The following ANKRD26 variants were observed in gnomAD, a reference collection of about 807,000 sequenced individuals.
The protein encoded by ANKRD26 is ankyrin repeat domain 26, also known as ankyrin repeat domain-containing protein 26.
A neutral mutation model predicts 208.7 loss-of-function variants in ANKRD26; 141 were observed. That is an observed-to-expected ratio of 0.68 (90% CI 0.59 to 0.78). The LOEUF (loss-of-function observed/expected upper bound fraction) is 0.78. Ranked by LOEUF, ANKRD26 falls within the 30% of genes least tolerant of loss-of-function variation. ANKRD26 has a pLI of 0.00. For missense variants in ANKRD26, 1,889 were observed against 1,938.7 expected (o/e 0.97, Z 0.48); for synonymous variants, 636 against 660.4 (o/e 0.96, Z 0.57).
intron 6 of ANKRD26, 102 bp downstream of exon 6, chr10:27,082,701 T>A (rs770219748): frequency 7.6e-6 from 11 of 1,454,458 alleles, no homozygotes; most frequent in Admixed American, 2.5e-5. Flanking sequence ...GACGACTATA[T>A]GGAGAAGCAC....
intron 17 of ANKRD26, 101 bp from the exon 18 acceptor site, chr10:27,046,624 T>C (rs2054457984): frequency 6.8e-6 from 8 of 1,175,070 alleles, no homozygotes; most frequent in Middle Eastern, 5.2e-4. Flanking sequence ...AAAAAATCCA[T>C]TAAAAAGCCA....
chr10:26,967,270 C>T, the ANKRD26 span, among the ~76,000 whole-genome samples: 1 of 152,142 alleles, frequency 6.6e-6, no homozygotes, highest in Non-Finnish European at 1.5e-5. Flanking sequence ...ATATTTTTAG[C>T]ATAATCTTAG....
At chr10:27,042,798 C>CAAAAAAAAAAAAAAAAAAAAAA (rs60850386) in intron 20 of ANKRD26, among the ~76,000 whole-genome samples, 6 of 48,938 alleles carry the variant, frequency 1.2e-4, no homozygotes, top group Middle Eastern at 0.017. Context: ...CAAAAAAATA[C>CAAAAAAAAAAAAAAAAAAAAAA]AAAAAAAAAA....
chr10:27,006,877 T>C, intron 33 of ANKRD26, 40 bp downstream of exon 33: 1 of 1,464,212 alleles, frequency 6.8e-7, no homozygotes, highest in East Asian at 2.3e-5. Context: ...AGAAATCAAT[T>C]AATTAATCTA....
intron 12 of ANKRD26, among the ~76,000 whole-genome samples, chr10:27,063,068 T>C (rs1223697582): frequency 1.3e-5 from 2 of 152,144 alleles, no homozygotes; most frequent in African/African-American, 2.4e-5. Flanking sequence ...TGATGTAACA[T>C]TTTCTATGAC....
chr10:27,038,682 C>CA (rs1369810185), intron 21 of ANKRD26, among the ~76,000 whole-genome samples: 20 of 151,650 alleles, frequency 1.3e-4, no homozygotes, highest in African/African-American at 4.8e-4. Flanking sequence ...TTTAATTAGT[C>CA]ATAATTACTC....
At chr10:27,057,723 G>A (rs2054888150) in intron 15 of ANKRD26, among the ~76,000 whole-genome samples, 1 of 152,130 alleles carries the variant, frequency 6.6e-6, no homozygotes, top group Non-Finnish European at 1.5e-5. Flanking sequence ...TGGATCACGA[G>A]GTCAAGAGAT....
chr10:27,050,151 C>T (rs373153194), intron 16 of ANKRD26, among the ~76,000 whole-genome samples: 8 of 120,202 alleles, frequency 6.7e-5, no homozygotes, highest in East Asian at 5.7e-4. Context: ...ACCCGGGAGG[C>T]GGAGGTTGCA....
At chr10:27,044,316 C>T in intron 18 of ANKRD26, 126 bp from the exon 19 acceptor site, 2 of 858,168 alleles carry the variant, frequency 2.3e-6, no homozygotes, top group Non-Finnish European at 3.3e-6. Context: ...ATAAAGTTTA[C>T]AGGAATCTTT....
chr10:27,083,132 C>T (rs1294720994), intron 5 of ANKRD26, among the ~76,000 whole-genome samples: 1 of 152,092 alleles, frequency 6.6e-6, no homozygotes, highest in Non-Finnish European at 1.5e-5. Context: ...TTCTCTCTGC[C>T]CCCTAACTTT....
chr10:27,033,413 C>T (rs2053942830), intron 24 of ANKRD26, 36 bp from the exon 25 acceptor site: 4 of 1,584,128 alleles, frequency 2.5e-6, no homozygotes, highest in African/African-American at 1.3e-5. Context: ...TTATAAATCA[C>T]CTTATTATTA....
chr10:27,021,259 G>A (rs780021494), intron 29 of ANKRD26, among the ~76,000 whole-genome samples: 7 of 152,220 alleles, frequency 4.6e-5, no homozygotes, highest in Non-Finnish European at 8.8e-5. Flanking sequence ...TGGGAATGCA[G>A]ATATCCCTTT....
Position 27,050,863 on chromosome 10 carries a change from G to A in ANKRD26, c.1636-1884C>T, listed in dbSNP as rs2054630819. ...GGAAGACTGATAGACTTCTTAGGTT[G>A]ATTAAGGAACAAAGATTTTGAGAAT... On this transcript the variant is annotated intron_variant, in intron 16 of 33. Coordinates refer to ENST00000376087, the MANE Select transcript of ANKRD26 (RefSeq NM_014915.3). Among the ~76,000 whole-genome samples the A allele has an allele frequency of 2.6e-5, 4 of 152,276 alleles. No homozygotes were observed. The South Asian group carries it at 8.3e-4, about 32-fold the overall frequency.
rs371806765 is a variant in ANKRD26, at chr10:27,100,310, C to A, written c.17G>T (p.Ser6Ile). Residue 6 changes from serine to isoleucine, a missense_variant, in exon 1 of 34, where the codon AGT (serine) becomes ATT (isoleucine). Around this residue, in one of 3 missense-constraint regions of ANKRD26, gnomAD observed 1,272 missense variants for 1,273.8 expected, o/e 1.00. Transcript: ENST00000376087. MKKIF[S>I]KKGESPLGSF... ...GCCCAAGGGCGACTCGCCCTTCTTA[C>A]TAAAAATCTTCTTCATGGCCCAGGC... The A allele has an allele frequency of 8.7e-6, 14 of 1,609,050 alleles. No homozygotes were observed. In the African/African-American group the frequency reaches 1.6e-4, roughly 18 times the overall value.
intron 5 of ANKRD26, among the ~76,000 whole-genome samples, chr10:26,980,331 G>A (rs1427965547): frequency 6.6e-6 from 1 of 152,136 alleles, no homozygotes; most frequent in Non-Finnish European, 1.5e-5. Flanking sequence ...TTGGACCTTT[G>A]GAAATTGACT....
chr10:27,041,088 G>T (rs2054223147), intron 20 of ANKRD26, among the ~76,000 whole-genome samples: 1 of 151,818 alleles, frequency 6.6e-6, no homozygotes, highest in South Asian at 2.1e-4. Flanking sequence ...ATGGTCTTAT[G>T]AATGCCCAGA....
chr10:27,070,487 T>G (rs2055441920), intron 9 of ANKRD26, among the ~76,000 whole-genome samples: 1 of 152,198 alleles, frequency 6.6e-6, no homozygotes. Context: ...GCAAGACCAG[T>G]ATTCACACAC....
At chr10:27,009,800 G>A (rs1018048011) in intron 32 of ANKRD26, among the ~76,000 whole-genome samples, 2 of 152,090 alleles carry the variant, frequency 1.3e-5, no homozygotes, top group Non-Finnish European at 2.9e-5. Flanking sequence ...TTATTTCCAG[G>A]TGGGGGTTAT....
chr10:27,065,859 CTTTTTT>C (rs767106612), intron 11 of ANKRD26, among the ~76,000 whole-genome samples: 71 of 72,966 alleles, frequency 9.7e-4, no homozygotes, highest in African/African-American at 3.2e-3. Flanking sequence ...ATAATTCTTT[CTTTTTT>C]TTTTTTTTTT....
Sources: gnomAD v4.1 joint callset for allele counts (sites outside exome capture counted in the v4.1 genomes callset) on GRCh38, gnomAD v4.1.1 for gene constraint, gnomAD v4.1.1 regional missense constraint, MANE v1.5 for transcripts, NCBI Gene and HGNC (gene_info 2026-07-23, HGNC 2026-07-21) for gene names.